Variants in FLNB observed in about 807,000 individuals in gnomAD.
FLNB encodes the protein filamin-B.
FLNB carries 111 observed loss-of-function variants against 250.6 expected under a neutral mutation model. That is an observed-to-expected ratio of 0.44 (90% CI 0.38 to 0.52). FLNB has a LOEUF of 0.52. FLNB is among the 20% of genes least tolerant of loss of function. The probability of loss-of-function intolerance (pLI) is 0.00; values close to 1 mark genes in which losing one functional copy is unlikely to be tolerated. For missense variants in FLNB, 2,869 were observed against 3,447.8 expected, an observed-to-expected ratio of 0.83 and a Z score of 4.20; for synonymous variants, 1,302 against 1,372.1, an observed-to-expected ratio of 0.95 and a Z score of 1.13.
At chr3:58,060,769 C>CAAAAAAAAAAAAAAAAA in intron 1 of FLNB, among the ~76,000 whole-genome samples, 1 of 64,210 alleles carries the variant, frequency 1.6e-5, no homozygotes, top group Non-Finnish European at 2.8e-5. Context: ...GACCTTGTCT[C>CAAAAAAAAAAAAAAAAA]AAAAAAAAAA....
chr3:58,108,938 T>C (rs1403766095), intron 13 of FLNB, among the ~76,000 whole-genome samples: 1 of 152,228 alleles, frequency 6.6e-6, no homozygotes, highest in East Asian at 1.9e-4. Flanking sequence ...AATGCAGGAA[T>C]TGAGTGGCCA....
At chr3:58,149,024 G>A (rs142206807) in intron 36 of FLNB, among the ~76,000 whole-genome samples, 172 bp downstream of exon 36, 1 of 152,158 alleles carries the variant, frequency 6.6e-6, no homozygotes, top group East Asian at 1.9e-4. Flanking sequence ...GCAAAAATGG[G>A]ATTGTCTTTG....
chr3:58,027,866 G>T (rs769591628), intron 1 of FLNB, among the ~76,000 whole-genome samples: 1 of 152,204 alleles, frequency 6.6e-6, no homozygotes, highest in Non-Finnish European at 1.5e-5. Flanking sequence ...GCGTCACTAG[G>T]TAAATGGAAG....
chr3:58,038,150 C>T (rs558402619), intron 1 of FLNB, among the ~76,000 whole-genome samples: 2 of 152,080 alleles, frequency 1.3e-5, no homozygotes, highest in African/African-American at 2.4e-5. Flanking sequence ...CTGCCTCAGC[C>T]TCCCGAGTAG....
At chr3:58,094,310 C>T (rs1441693346) in intron 4 of FLNB, among the ~76,000 whole-genome samples, 1 of 152,232 alleles carries the variant, frequency 6.6e-6, no homozygotes, top group Non-Finnish European at 1.5e-5. Context: ...TCAGGTGATC[C>T]ACCTGCCTCA....
intron 24 of FLNB, among the ~76,000 whole-genome samples, chr3:58,128,076 G>T (rs911597559): frequency 2.0e-5 from 3 of 152,212 alleles, no homozygotes; most frequent in Non-Finnish European, 4.4e-5. Flanking sequence ...CCCAGGAGCA[G>T]AAAGAGCCTC....
chr3:58,099,100 G>A (rs556363447), intron 8 of FLNB, among the ~76,000 whole-genome samples, 192 bp downstream of exon 8: 49 of 152,138 alleles, frequency 3.2e-4, no homozygotes, highest in Admixed American at 3.0e-3. Flanking sequence ...TATGAGCCAC[G>A]CAGAGACCTA....
intron 1 of FLNB, among the ~76,000 whole-genome samples, chr3:58,030,925 T>C (rs2097129967): frequency 1.3e-5 from 2 of 152,120 alleles, no homozygotes; most frequent in African/African-American, 4.8e-5. Context: ...CATAAATATA[T>C]ACACCTACTG....
At chr3:58,132,753 G>A (rs938473887) in intron 25 of FLNB, 55 bp from the exon 26 acceptor site, 13 of 1,612,864 alleles carry the variant, frequency 8.1e-6, no homozygotes, top group South Asian at 2.2e-5. Context: ...CTCAGCCAAG[G>A]GTGGAGTAAA....
At chr3:58,068,795 A>AC (rs2097189739) in intron 1 of FLNB, among the ~76,000 whole-genome samples, 1 of 152,082 alleles carries the variant, frequency 6.6e-6, no homozygotes, top group Non-Finnish European at 1.5e-5. Flanking sequence ...CTGTAGGCTC[A>AC]CCCAAGCAGC....
At chr3:58,027,509 T>C (rs2097125133) in intron 1 of FLNB, among the ~76,000 whole-genome samples, 1 of 152,124 alleles carries the variant, frequency 6.6e-6, no homozygotes, top group African/African-American at 2.4e-5. Flanking sequence ...TTTGAATTCC[T>C]GGCCTCAATT....
chr3:58,059,129 T>G (rs1280890879), intron 1 of FLNB, among the ~76,000 whole-genome samples: 1 of 152,182 alleles, frequency 6.6e-6, no homozygotes, highest in Non-Finnish European at 1.5e-5. Context: ...CCCCAGTTGT[T>G]TGGCCACTGA....
At position 58,123,148 on chromosome 3, in the gene FLNB, T is replaced by C. The variant is rs1354794727; in HGVS notation, c.3182T>C (p.Phe1061Ser). The change falls in exon 21 of 46, where the codon TTC becomes TCC. Residue 1061 changes from phenylalanine to serine, a missense_variant. Physicochemically the swap from Phe to Ser is radical, Grantham distance 155. Transcript: ENST00000295956. ...EGGLVGKPAE[F>S]TIDTKGAGTG... ...GGTCTCGTGGGCAAGCCTGCCGAGT[T>C]CACCATCGATACCAAAGGAGCTGGT... 2 of 1,614,208 alleles carry C rather than the reference T, an allele frequency of 1.2e-6. No individual in the cohort carries two copies. The highest frequency in any genetic ancestry group is 1.7e-6 in the Non-Finnish European group (2 of 1,180,042).
At chr3:58,045,771 G>A (rs113930925) in intron 1 of FLNB, among the ~76,000 whole-genome samples, 215 of 152,156 alleles carry the variant, frequency 1.4e-3, no homozygotes, top group African/African-American at 4.8e-3. Context: ...AGGCTGAGGC[G>A]GGTGCATCAC....
At chr3:58,077,892 G>A (rs1576677760) in intron 2 of FLNB, among the ~76,000 whole-genome samples, 1 of 152,154 alleles carries the variant, frequency 6.6e-6, no homozygotes, top group East Asian at 1.9e-4. Flanking sequence ...TAGATTGATG[G>A]GTAGAGTTTG....
intron 3 of FLNB, among the ~76,000 whole-genome samples, chr3:58,080,598 G>T (rs147266295): frequency 7.0e-4 from 104 of 149,496 alleles, no homozygotes; most frequent in African/African-American, 2.4e-3. Flanking sequence ...AGGTACAAGC[G>T]ATTCTCCTGT....
chr3:58,168,631 G>C lies in FLNB; in HGVS notation c.7390G>C (p.Gly2464Arg). The C allele has an allele frequency of 6.2e-7, 1 of 1,613,972 alleles. No individual in the cohort carries two copies. The highest frequency in any genetic ancestry group is 2.2e-5 in the East Asian group (1 of 44,886). ...ATACGGTGGGCCCAACCACATCGTG[G>C]GCAGTCCCTTCAAGGCCAAGGTGAC... ...VKYGGPNHIVGSPFKAKVTGQ... is the reference protein window; with the variant it reads ...VKYGGPNHIVRSPFKAKVTGQ... The change falls in exon 44 of 46, where the codon GGC becomes CGC. Residue 2464 changes from glycine to arginine, a missense_variant. Gly to Arg is a moderately radical substitution (Grantham distance 125, BLOSUM62 -2). Transcript: ENST00000295956.
chr3:58,152,884 T>C, intron 38 of FLNB: 1 of 437,752 alleles, frequency 2.3e-6, no homozygotes, highest in Middle Eastern at 4.6e-4. Context: ...TGATGTGGTC[T>C]TGCGTCCTAG....
chr3:58,163,073 T>C (rs2097364310), intron 42 of FLNB, 81 bp from the exon 43 acceptor site: 8 of 1,395,644 alleles, frequency 5.7e-6, no homozygotes, highest in Non-Finnish European at 8.1e-6. Context: ...CATCTCAGCT[T>C]GGCCTCCATC....
Sources: allele counts gnomAD v4.1 joint callset (sites outside exome capture counted in the v4.1 genomes callset), GRCh38; gene constraint gnomAD v4.1.1; transcripts MANE v1.5; gene names NCBI Gene and HGNC (gene_info 2026-07-23, HGNC 2026-07-21).